Variants in TBC1D26 observed in about 807,000 individuals in gnomAD.
TBC1D26 encodes TBC1 domain family member 26, also known as TBC1 domain family, member 26.
TBC1D26 carries 19 observed loss-of-function variants against 42.5 expected under a neutral mutation model. The ratio of observed to expected loss-of-function variants is 0.45; its 90% CI spans 0.31 to 0.66. The LOEUF (loss-of-function observed/expected upper bound fraction) is 0.66. TBC1D26 is among the 30% of genes least tolerant of loss of function. TBC1D26 has a pLI of 0.06. For synonymous variants in TBC1D26, 97 were observed against 123.5 expected, an observed-to-expected ratio of 0.79 and a Z score of 1.42; for missense variants, 228 against 332.6, an observed-to-expected ratio of 0.69 and a Z score of 2.45.
intron 4 of TBC1D26, chr17:15,736,521 G>A (rs975828058): frequency 6.6e-6 from 1 of 151,808 alleles, no homozygotes; most frequent in African/African-American, 2.4e-5. Flanking sequence ...GCCCTCCAGA[G>A]ATTCTGCTTC....
At chr17:15,732,785 G>C (rs982292945) in intron 1 of TBC1D26, among the ~76,000 whole-genome samples, 4 of 152,154 alleles carry the variant, frequency 2.6e-5, no homozygotes, top group African/African-American at 7.2e-5. Flanking sequence ...GGTGGTGCTC[G>C]GTCCAAGTCT....
intron 8 of TBC1D26, among the ~76,000 whole-genome samples, chr17:15,739,707 G>A (rs1268905471): frequency 6.6e-6 from 1 of 152,414 alleles, no homozygotes; most frequent in African/African-American, 2.4e-5. Context: ...CTGCAAAGGG[G>A]ACGTGCTGGG....
chr17:15,737,753 C>G, intron 5 of TBC1D26: 1 of 806,486 alleles, frequency 1.2e-6, no homozygotes, highest in Non-Finnish European at 1.9e-6. Context: ...AACCAAGACC[C>G]CAGCTGAAGG....
At position 15,744,421 on chromosome 17, in the gene TBC1D26, A is replaced by G. The variant is rs1171104193; in HGVS notation, c.1236A>G (p.Pro412=). The G allele has an allele frequency of 6.6e-6, 1 of 152,218 alleles. No individual in the cohort carries two copies. The highest frequency in any genetic ancestry group is 1.5e-5 in the Non-Finnish European group (1 of 68,032). The allele number at this position is 152,218 out of a possible 1,614,324, so 9.4% of individuals were successfully genotyped here. ...PAQKRRNEGQ[P]AADQSQKEMK... ...AAAAAAGGAGGAACGAGGGTCAACC[A>G]GCAGCAGACCAGTCACAAAAAGAGA... is the stretch of plus-strand genomic sequence containing the variant. Residue 412 remains proline, a synonymous_variant, in exon 15 of 15, where the codon CCA becomes CCG. Coordinates refer to ENST00000437605, the MANE Select transcript of TBC1D26 (RefSeq NM_001388465.1).
intron 1 of TBC1D26, among the ~76,000 whole-genome samples, chr17:15,733,499 C>T (rs1044261527): frequency 2.6e-5 from 4 of 152,202 alleles, no homozygotes; most frequent in Non-Finnish European, 4.4e-5. Context: ...AGGACTGCCC[C>T]GTGTGGGGAG....
At chr17:15,736,058 G>T (rs1369432891) in intron 4 of TBC1D26, among the ~76,000 whole-genome samples, 2 of 151,870 alleles carry the variant, frequency 1.3e-5, no homozygotes, top group Admixed American at 1.3e-4. Context: ...ACCTGGCCTG[G>T]CCTCTGGGCA....
intron 8 of TBC1D26, 47 bp downstream of exon 8, chr17:15,738,877 C>A (rs751123926): frequency 2.5e-6 from 4 of 1,608,300 alleles, no homozygotes; most frequent in African/African-American, 1.3e-5. Context: ...ATGGGGCAAT[C>A]CAGAGGAATG....
intron 5 of TBC1D26, 193 bp downstream of exon 5, chr17:15,737,716 C>T: frequency 1.1e-6 from 1 of 949,752 alleles, no homozygotes; most frequent in South Asian, 1.7e-5. Flanking sequence ...GAACTGCAGT[C>T]CTGGCTCAGA....
At chr17:15,741,084 T>C (rs1967762641) in intron 9 of TBC1D26, 38 bp from the exon 10 acceptor site, 1 of 1,602,826 alleles carries the variant, frequency 6.2e-7, no homozygotes, top group South Asian at 1.1e-5. Context: ...TCAGTCCTCC[T>C]AGGTGACATC....
intron 1 of TBC1D26, chr17:15,733,871 G>T (rs1028614119): frequency 6.6e-6 from 1 of 152,224 alleles, no homozygotes; most frequent in African/African-American, 2.4e-5. Context: ...ACGCACACAG[G>T]TGTCTGGTTC....
chr17:15,736,898 G>A (rs1422536637), intron 4 of TBC1D26, among the ~76,000 whole-genome samples: 1 of 152,276 alleles, frequency 6.6e-6, no homozygotes, highest in Non-Finnish European at 1.5e-5. Context: ...GGGTCATAGT[G>A]TCTGGGCTGG....
At chr17:15,736,284 C>G (rs1379889417) in intron 4 of TBC1D26, among the ~76,000 whole-genome samples, 79 of 152,084 alleles carry the variant, frequency 5.2e-4, no homozygotes, top group Middle Eastern at 3.5e-3. Flanking sequence ...GGGAGCCCAG[C>G]CTGAAGCCGG....
chr17:15,743,328 C>T, intron 13 of TBC1D26, 39 bp from the exon 14 acceptor site: 2 of 981,256 alleles, frequency 2.0e-6, no homozygotes, highest in Non-Finnish European at 2.4e-6. Context: ...TGTCCCCTCC[C>T]AGGGAACCCT....
Position 15,740,668 on chromosome 17 carries a change from T to G in TBC1D26, c.547-454T>G, listed in dbSNP as rs1442994292. The G allele has an allele frequency of 7.7e-5, 83 of 1,084,924 alleles. 1 individual carries two copies. In the Admixed American group the frequency reaches 4.0e-3, roughly 52 times the overall value. 67.2% of individuals were successfully genotyped at this position (1,084,924 alleles called of 1,614,324 possible). On this transcript the variant is annotated intron_variant, in intron 9 of 14. Coordinates refer to ENST00000437605, the MANE Select transcript of TBC1D26 (RefSeq NM_001388465.1). ...AGGGAGAGCTGCTGAGCTGACTGCA[T>G]GAGCTGCCCACATGGAGGACCCAGC...
chr17:15,740,743 T>C, intron 9 of TBC1D26: 1 of 1,074,298 alleles, frequency 9.3e-7, no homozygotes, highest in Non-Finnish European at 1.1e-6. Context: ...GGACCTTTTG[T>C]GTGGTGGTCA....
intron 4 of TBC1D26, chr17:15,736,680 G>A (rs1466066660): frequency 5.9e-5 from 9 of 152,408 alleles, no homozygotes; most frequent in Non-Finnish European, 1.2e-4. Flanking sequence ...GACCCTGAGA[G>A]CCAGCTGAGG....
At chr17:15,739,574 C>T (rs1225544563) in intron 8 of TBC1D26, among the ~76,000 whole-genome samples, 1 of 152,260 alleles carries the variant, frequency 6.6e-6, no homozygotes, top group East Asian at 1.9e-4. Context: ...GAGGGAATGA[C>T]GCCAGACCCA....
At chr17:15,735,487 C>T in intron 3 of TBC1D26, 64 bp downstream of exon 3, 1 of 1,527,154 alleles carries the variant, frequency 6.5e-7, no homozygotes, top group Non-Finnish European at 8.9e-7. Flanking sequence ...GCCCTGGTCA[C>T]AGGGTCCTGG....
In TBC1D26 at chr17:15,735,376, C is replaced by T. The variant is rs2151497436; in HGVS notation, c.28C>T (p.Leu10=). MEMDGDPYN[L]PAQGQGNIII... ...GGAGATGGATGGGGACCCGTATAAC[C>T]TGCCTGCCCAGGGGCAAGGCAATAT... The change falls in exon 3 of 15, where the codon CTG becomes TTG. Residue 10 remains leucine (L), a synonymous_variant. Coordinates refer to ENST00000437605, the MANE Select transcript of TBC1D26 (RefSeq NM_001388465.1). The T allele has an allele frequency of 6.2e-7, 1 of 1,613,890 alleles. No homozygotes were observed. Among genetic ancestry groups the T allele is most frequent in the East Asian group, 2.2e-5 (1 of 44,868 alleles).
Sources: gnomAD v4.1 joint callset for allele counts (sites outside exome capture counted in the v4.1 genomes callset) on GRCh38, gnomAD v4.1.1 for gene constraint, MANE v1.5 for transcripts, NCBI Gene and HGNC (gene_info 2026-07-23, HGNC 2026-07-21) for gene names.